The following GXYLT2 variants were observed in gnomAD, a reference collection of about 807,000 sequenced individuals.
GXYLT2 encodes glucoside xylosyltransferase 2.
Under a neutral mutation model 45.8 loss-of-function variants are expected in GXYLT2, and 53 were observed. The observed-to-expected ratio is 1.16, with a 90% CI of 0.93 to 1.46. The LOEUF is 1.46. GXYLT2 is among the 40% of genes most tolerant of loss of function. GXYLT2 has a pLI of 0.00. For missense variants in GXYLT2, 551 were observed against 544.4 expected (o/e 1.01, Z -0.12); for synonymous variants, 219 against 214.2 (o/e 1.02, Z -0.19).
intron 3 of GXYLT2, among the ~76,000 whole-genome samples, chr3:72,946,031 C>T (rs1190262272): frequency 6.6e-6 from 1 of 152,040 alleles, no homozygotes; most frequent in Non-Finnish European, 1.5e-5. Flanking sequence ...AATACCAGCA[C>T]TTTTGGAGGC....
At chr3:72,905,378 G>C (rs1205234823) in intron 1 of GXYLT2, among the ~76,000 whole-genome samples, 2 of 152,124 alleles carry the variant, frequency 1.3e-5, no homozygotes, top group African/African-American at 4.8e-5. Context: ...TCGAACTCCT[G>C]CTGGGATTAT....
chr3:72,919,282 C>G (rs559386699), intron 2 of GXYLT2, among the ~76,000 whole-genome samples: 1 of 152,064 alleles, frequency 6.6e-6, no homozygotes, highest in African/African-American at 2.4e-5. Flanking sequence ...ATATTCATAC[C>G]ATAGCATACA....
chr3:72,899,061 T>C (rs78035884), intron 1 of GXYLT2, among the ~76,000 whole-genome samples: 2 of 152,160 alleles, frequency 1.3e-5, no homozygotes, highest in African/African-American at 4.8e-5. Flanking sequence ...CTTACTTGTA[T>C]GTGGTTCCAA....
intron 4 of GXYLT2, among the ~76,000 whole-genome samples, chr3:72,955,584 G>A (rs1342767187): frequency 6.6e-6 from 1 of 152,156 alleles, no homozygotes; most frequent in Non-Finnish European, 1.5e-5. Flanking sequence ...ATACTATGTT[G>A]CATTTCTGAA....
intron 1 of GXYLT2, among the ~76,000 whole-genome samples, chr3:72,906,348 C>A (rs1441801150): frequency 6.6e-6 from 1 of 152,154 alleles, no homozygotes; most frequent in Non-Finnish European, 1.5e-5. Flanking sequence ...TACCTCCCCT[C>A]CTGCAGGTCA....
chr3:72,904,120 C>T (rs1242297611), intron 1 of GXYLT2, among the ~76,000 whole-genome samples: 1 of 152,244 alleles, frequency 6.6e-6, no homozygotes, highest in Non-Finnish European at 1.5e-5. Context: ...TCACTCCAGT[C>T]CCCTTTTATA....
Position 72,972,377 on chromosome 3 carries a change from G to C in GXYLT2, c.1150-2600G>C, listed in dbSNP as rs1378444480. On this transcript the variant is annotated intron_variant, in intron 6 of 6. Transcript: ENST00000389617. ...GCATATATTCTGAGCTGGGCGCAGTGGGTCACACCTCCCAGCACTTTGGGA... is the reference window on the plus strand; with the variant it reads ...GCATATATTCTGAGCTGGGCGCAGTCGGTCACACCTCCCAGCACTTTGGGA... 7.8e-5 allele frequency among the ~76,000 whole-genome samples: 3 copies of C among 38,280 alleles called. No homozygotes were observed. The Admixed American group carries it at 8.8e-4, about 11-fold the overall frequency. The allele number at this position is 38,280 out of a possible 152,430, so 25.1% of individuals were successfully genotyped here. A position where few individuals can be genotyped will look rare whatever the true frequency, so the allele number is the denominator to read the frequency against.
At position 72,891,816 on chromosome 3, in the gene GXYLT2, A is replaced by C. The variant is rs566766765; in HGVS notation, c.275+3308A>C. ...CTTTGTTAGTAGGATTAAGTGTTCA[A>C]TTTAAGCCTGGCAGCCATTTCAAAA... On this transcript the variant is annotated intron_variant, in intron 1 of 6. Coordinates refer to ENST00000389617, the MANE Select transcript of GXYLT2 (RefSeq NM_001080393.2). 8.5e-5 allele frequency among the ~76,000 whole-genome samples: 13 copies of C among 152,362 alleles called. No homozygotes were observed. The South Asian group carries it at 2.7e-3, about 32-fold the overall frequency.
intron 2 of GXYLT2, among the ~76,000 whole-genome samples, chr3:72,911,979 G>GCA (rs1709633964): frequency 4.9e-5 from 6 of 122,696 alleles, no homozygotes; most frequent in African/African-American, 2.3e-4. Flanking sequence ...GTGTGTGCAT[G>GCA]TGTGTGTGTG....
intron 3 of GXYLT2, among the ~76,000 whole-genome samples, chr3:72,950,060 G>GACATGGTGGCTTAT (rs1553709559): frequency 4.1e-5 from 1 of 24,382 alleles, no homozygotes; most frequent in Non-Finnish European, 6.9e-5. Flanking sequence ...AAGCAGGCCA[G>GACATGGTGGCTTAT]GCATGTAATC....
At chr3:72,892,891 C>A (rs1020947406) in intron 1 of GXYLT2, among the ~76,000 whole-genome samples, 1 of 152,128 alleles carries the variant, frequency 6.6e-6, no homozygotes, top group Admixed American at 6.5e-5. Flanking sequence ...GATCACCCTC[C>A]ACACCTACTC....
intron 1 of GXYLT2, among the ~76,000 whole-genome samples, chr3:72,903,443 A>T (rs1709444602): frequency 6.6e-6 from 1 of 152,198 alleles, no homozygotes; most frequent in African/African-American, 2.4e-5. Flanking sequence ...TAAGGAAAGG[A>T]GGAGAGGTGA....
At chr3:72,893,452 A>T (rs936245496) in intron 1 of GXYLT2, among the ~76,000 whole-genome samples, 2 of 152,156 alleles carry the variant, frequency 1.3e-5, no homozygotes, top group Non-Finnish European at 1.5e-5. Flanking sequence ...ACTCCTCTCC[A>T]TCACTCTCTT....
rs953408731 is a variant in GXYLT2 at position 72,922,126 on chromosome 3, A to G, written c.469-78A>G. The G allele has an allele frequency of 9.9e-6, 13 of 1,318,500 alleles. No homozygotes were observed. The African/African-American group carries it at 2.0e-4, about 20-fold the overall frequency. 81.7% of individuals were successfully genotyped at this position (1,318,500 alleles called of 1,614,324 possible). On this transcript the variant is annotated intron_variant, in intron 2 of 6. Transcript: ENST00000389617. ...AAGTTGCCTGAATAATTTCCATTTG[A>G]CCATCCAGAAGCTTCGCAGGCATTT...
At chr3:72,963,698 G>A (rs567460018) in intron 5 of GXYLT2, among the ~76,000 whole-genome samples, 3 of 138,790 alleles carry the variant, frequency 2.2e-5, no homozygotes, top group African/African-American at 5.4e-5. Flanking sequence ...TGAGACAAGA[G>A]TTTCACTGTT....
At chr3:72,948,620 C>T (rs889018496) in intron 3 of GXYLT2, among the ~76,000 whole-genome samples, 2 of 152,056 alleles carry the variant, frequency 1.3e-5, no homozygotes, top group Admixed American at 1.3e-4. Flanking sequence ...GGGTGGATCA[C>T]GAGGTCATGA....
At chr3:72,894,944 G>A (rs1709259102) in intron 1 of GXYLT2, among the ~76,000 whole-genome samples, 1 of 152,166 alleles carries the variant, frequency 6.6e-6, no homozygotes, top group African/African-American at 2.4e-5. Context: ...TCTCTCCCCT[G>A]TATGGAAGCC....
Position 72,888,467 on chromosome 3 carries a change from A to G in GXYLT2, c.234A>G (p.Arg78=). Residue 78 remains arginine (R), a synonymous_variant, in exon 1 of 7, where the codon CGA becomes CGG. Coordinates refer to ENST00000389617, the MANE Select transcript of GXYLT2 (RefSeq NM_001080393.2). ...RRRRPPRPRP[R]AGRRGAARLE... ...GCCGGCCCCCGCGTCCGCGCCCCCG[A>G]GCGGGCCGCCGGGGCGCTGCGAGAC... The G allele has an allele frequency of 8.0e-7, 1 of 1,244,050 alleles. No individual in the cohort carries two copies. The highest frequency in any genetic ancestry group is 2.5e-5 in the South Asian group (1 of 40,276). The allele number at this position is 1,244,050 out of a possible 1,614,324, so 77.1% of individuals were successfully genotyped here. A position where few individuals can be genotyped will look rare whatever the true frequency, so the allele number is the denominator to read the frequency against.
At chr3:72,929,889 C>T (rs573055847) in intron 3 of GXYLT2, among the ~76,000 whole-genome samples, 326 of 152,116 alleles carry the variant, frequency 2.1e-3, no homozygotes, top group South Asian at 3.5e-3. Flanking sequence ...GTTGCAGGCC[C>T]GCTGCAGTGG....
Sources: gnomAD v4.1 joint callset for allele counts (sites outside exome capture counted in the v4.1 genomes callset) on GRCh38, gnomAD v4.1.1 for gene constraint, MANE v1.5 for transcripts, NCBI Gene and HGNC (gene_info 2026-07-23, HGNC 2026-07-21) for gene names.